The following GPC5 variants were observed in gnomAD, a reference collection of about 807,000 sequenced individuals.
The protein encoded by GPC5 is glypican 5.
In GPC5, 47 loss-of-function variants were observed where a neutral mutation model predicts 53.9. That is an observed-to-expected ratio of 0.87 (90% CI 0.69 to 1.11). The LOEUF is 1.11. Among genes scored for constraint, GPC5 ranks in the 50% most tolerant of loss-of-function variants. The pLI, the probability that GPC5 is intolerant of heterozygous loss-of-function variation, is 0.00. For missense variants in GPC5, 748 were observed against 713.1 expected (o/e 1.05, Z -0.56); for synonymous variants, 286 against 263.3 (o/e 1.09, Z -0.84).
At chr13:91,685,548 T>G (rs2035603482) in intron 2 of GPC5, among the ~76,000 whole-genome samples, 1 of 152,188 alleles carries the variant, frequency 6.6e-6, no homozygotes, top group South Asian at 2.1e-4. Flanking sequence ...CCTACCCTCT[T>G]TTATCCCTCT....
At chr13:92,541,362 G>T (rs551774520) in intron 7 of GPC5, among the ~76,000 whole-genome samples, 1 of 151,764 alleles carries the variant, frequency 6.6e-6, no homozygotes, top group South Asian at 2.1e-4. Context: ...GGGGAAATAA[G>T]AACTTAAAAA....
intron 6 of GPC5, among the ~76,000 whole-genome samples, chr13:91,979,150 G>A (rs1198166671): frequency 1.3e-5 from 2 of 152,028 alleles, no homozygotes; most frequent in Admixed American, 1.3e-4. Flanking sequence ...TACCAAACAG[G>A]TAGTTGGATA....
chr13:92,702,221 C>T (rs1010025127), intron 7 of GPC5, among the ~76,000 whole-genome samples: 1 of 152,096 alleles, frequency 6.6e-6, no homozygotes, highest in African/African-American at 2.4e-5. Flanking sequence ...CTTATGTTCT[C>T]TCTACACTCA....
intron 7 of GPC5, among the ~76,000 whole-genome samples, chr13:92,763,545 C>T (rs1457583248): frequency 6.6e-6 from 1 of 152,166 alleles, no homozygotes; most frequent in African/African-American, 2.4e-5. Flanking sequence ...AGGTCTGACA[C>T]AGCCCACAAG....
At chr13:92,610,630 T>C (rs1884402072) in intron 7 of GPC5, among the ~76,000 whole-genome samples, 1 of 152,220 alleles carries the variant, frequency 6.6e-6, no homozygotes, top group Non-Finnish European at 1.5e-5. Flanking sequence ...TATAAAGAAC[T>C]GCCGGAGACT....
At chr13:92,128,913 A>C (rs2041721517) in intron 6 of GPC5, among the ~76,000 whole-genome samples, 1 of 152,192 alleles carries the variant, frequency 6.6e-6, no homozygotes, top group African/African-American at 2.4e-5. Context: ...CAGTGAGCCA[A>C]CATTGTGCCA....
intron 5 of GPC5, among the ~76,000 whole-genome samples, chr13:91,902,714 A>G (rs941651654): frequency 6.6e-6 from 1 of 152,068 alleles, no homozygotes; most frequent in Non-Finnish European, 1.5e-5. Flanking sequence ...CACGAGGGGA[A>G]CTCAAATAAA....
chr13:91,504,666 A>G (rs7993829), intron 2 of GPC5, among the ~76,000 whole-genome samples: 37,519 of 152,114 alleles, frequency 0.25, 4,903 homozygotes, highest in South Asian at 0.42. Flanking sequence ...TGTGGTGTGA[A>G]AGAAACTTAT....
At chr13:92,775,022 C>T (rs1875751111) in intron 7 of GPC5, among the ~76,000 whole-genome samples, 2 of 152,168 alleles carry the variant, frequency 1.3e-5, no homozygotes, top group Non-Finnish European at 2.9e-5. Context: ...TCTGTGTCCT[C>T]CATTTCTTTA....
At chr13:91,754,729 T>C (rs1156284615) in intron 4 of GPC5, among the ~76,000 whole-genome samples, 1 of 152,176 alleles carries the variant, frequency 6.6e-6, no homozygotes, top group Non-Finnish European at 1.5e-5. Context: ...AAATTGATAT[T>C]TGTTCATGCA....
intron 7 of GPC5, among the ~76,000 whole-genome samples, chr13:92,509,132 A>G (rs1880475771): frequency 1.3e-5 from 2 of 152,198 alleles, no homozygotes; most frequent in Non-Finnish European, 1.5e-5. Flanking sequence ...GTTTGATGTG[A>G]AGAATTCCAT....
chr13:92,540,469 T>G (rs1881897493), intron 7 of GPC5, among the ~76,000 whole-genome samples: 1 of 151,978 alleles, frequency 6.6e-6, no homozygotes, highest in Admixed American at 6.6e-5. Context: ...ACAAGTTATT[T>G]TCTTACCGTT....
At chr13:92,163,345 C>T (rs544295080) in intron 7 of GPC5, among the ~76,000 whole-genome samples, 5 of 151,450 alleles carry the variant, frequency 3.3e-5, no homozygotes, top group African/African-American at 1.2e-4. Context: ...TCTGTAGTCC[C>T]AGCTACTCAG....
chr13:92,197,484 C>A (rs1413544038), intron 7 of GPC5, among the ~76,000 whole-genome samples: 1 of 151,886 alleles, frequency 6.6e-6, no homozygotes, highest in Non-Finnish European at 1.5e-5. Flanking sequence ...GAAGGGCAAA[C>A]CACATATATT....
rs559395452 is a variant in GPC5, at chr13:92,287,043, T to C, written c.1561+142054T>C. Among the ~76,000 whole-genome samples the C allele has an allele frequency of 2.0e-5, 3 of 152,298 alleles. 1 individual carries two copies. The South Asian group carries it at 6.2e-4, about 32-fold the overall frequency. On this transcript the variant is annotated intron_variant, in intron 7 of 7. Transcript: ENST00000377067. ...TTATCTTGGACTTGTAGCCTCCAGA[T>C]CTACAGAGAAGATAATTTTTTGTTG...
chr13:92,562,037 G>A (rs565713593), intron 7 of GPC5, among the ~76,000 whole-genome samples: 1 of 152,150 alleles, frequency 6.6e-6, no homozygotes, highest in East Asian at 1.9e-4. Context: ...TAGCTGATGT[G>A]TTGCACAGTT....
At position 92,856,871 on chromosome 13, in the gene GPC5, A is replaced by G. The variant is rs117729635; in HGVS notation, c.1562-9411A>G. 9.9e-5 allele frequency among the ~76,000 whole-genome samples: 15 copies of G among 152,260 alleles called. No individual in the cohort carries two copies. In the East Asian group the frequency reaches 2.9e-3, roughly 29 times the overall value. ...AAACATTCCACACTCATGGATTAGAAGAATCAATATTGTTAAAGTGGTTAT... is the reference window on the plus strand; with the variant it reads ...AAACATTCCACACTCATGGATTAGAGGAATCAATATTGTTAAAGTGGTTAT... On this transcript the variant is annotated intron_variant, in intron 7 of 7. Transcript: ENST00000377067.
chr13:91,653,390 G>C (rs548375355), intron 2 of GPC5, among the ~76,000 whole-genome samples: 1 of 152,030 alleles, frequency 6.6e-6, no homozygotes, highest in Non-Finnish European at 1.5e-5. Flanking sequence ...GGGTAGTAGG[G>C]GTGTAGAGGG....
intron 1 of GPC5, among the ~76,000 whole-genome samples, chr13:91,427,846 C>T (rs751780880): frequency 1.2e-4 from 19 of 152,064 alleles, no homozygotes; most frequent in Non-Finnish European, 2.2e-4. Context: ...GGCTGTTTCC[C>T]CCATGCTGTT....
Sources: gnomAD v4.1 joint callset for allele counts (sites outside exome capture counted in the v4.1 genomes callset) on GRCh38, gnomAD v4.1.1 for gene constraint, MANE v1.5 for transcripts, NCBI Gene and HGNC (gene_info 2026-07-23, HGNC 2026-07-21) for gene names.